SPATA31F3: variants seen among roughly 807,000 people sequenced by gnomAD.
SPATA31F3 encodes the protein SPATA31 subfamily F member 3, also known as protein SPATA31F3.
the SPATA31F3 span, chr9:34,889,624 C>A: frequency 7.5e-6 from 3 of 398,426 alleles, no homozygotes; most frequent in Non-Finnish European, 1.3e-5. Context: ...TCCAAGCCAA[C>A]TTCTGGAGCT....
At chr9:34,892,584 A>G in the SPATA31F3 span, 10 of 454,312 alleles carry the variant, frequency 2.2e-5, no homozygotes, top group Non-Finnish European at 3.9e-5. Flanking sequence ...ATGTAGGGTC[A>G]TAGGCTGTTG....
chr9:34,894,347 C>A, the SPATA31F3 span: 4 of 397,650 alleles, frequency 1.0e-5, no homozygotes, highest in African/African-American at 8.2e-5. Context: ...CCCTCCCATC[C>A]ATTTTCCCTC....
At chr9:34,892,980 A>G in the SPATA31F3 span, 3 of 724,718 alleles carry the variant, frequency 4.1e-6, no homozygotes, top group Non-Finnish European at 7.3e-6. Flanking sequence ...GATGTGGACA[A>G]AGCCTCTAGG....
At chr9:34,895,519 T>G in the SPATA31F3 span, 1 of 398,366 alleles carries the variant, frequency 2.5e-6, no homozygotes, top group Admixed American at 4.4e-5. Context: ...AAGAGAAAGC[T>G]CGGGGATAAA....
the SPATA31F3 span, among the ~76,000 whole-genome samples, chr9:34,890,657 A>G: frequency 6.6e-6 from 1 of 152,236 alleles, no homozygotes; most frequent in Non-Finnish European, 1.5e-5. Context: ...TGGTTTAGCA[A>G]TCTTTAGACT....
the SPATA31F3 span, chr9:34,895,643 A>T: frequency 5.0e-6 from 2 of 401,380 alleles, no homozygotes; most frequent in Non-Finnish European, 8.8e-6. Flanking sequence ...TTGCCAAATA[A>T]TTAATGCAAT....
chr9:34,892,707 G>A, the SPATA31F3 span: 3 of 473,650 alleles, frequency 6.3e-6, no homozygotes, highest in African/African-American at 3.9e-5. Flanking sequence ...CTCTCCTGCT[G>A]GCTCAGAGGA....
chr9:34,892,292 G>A, the SPATA31F3 span, among the ~76,000 whole-genome samples: 1 of 152,138 alleles, frequency 6.6e-6, no homozygotes. Context: ...GAAAGCTTAG[G>A]TGAACCAGCT....
At chr9:34,890,915 A>G in the SPATA31F3 span, among the ~76,000 whole-genome samples, 3 of 152,286 alleles carry the variant, frequency 2.0e-5, no homozygotes, top group East Asian at 3.9e-4. Context: ...CACAAGCTTC[A>G]TTGGTGTTTT....
At chr9:34,895,113 G>C in the SPATA31F3 span, 1 of 398,508 alleles carries the variant, frequency 2.5e-6, no homozygotes, top group Non-Finnish European at 4.4e-6. Flanking sequence ...AGAATGCAAA[G>C]CTGCTACACC....
At chr9:34,889,314 C>T in the SPATA31F3 span, 3 of 398,704 alleles carry the variant, frequency 7.5e-6, no homozygotes, top group Non-Finnish European at 1.3e-5. Context: ...AGGAGTGGCA[C>T]AGGACCCAGG....
chr9:34,892,592 T>C, the SPATA31F3 span: 4 of 444,544 alleles, frequency 9.0e-6, no homozygotes, highest in South Asian at 7.6e-5. Context: ...TCATAGGCTG[T>C]TGTTGTAGGT....
chr9:34,894,631 T>C, the SPATA31F3 span: 1 of 397,402 alleles, frequency 2.5e-6, no homozygotes, highest in Non-Finnish European at 4.4e-6. Context: ...GTCACATCTG[T>C]GTATAACTTA....
At chr9:34,894,136 G>A in the SPATA31F3 span, among the ~76,000 whole-genome samples, 1 of 152,120 alleles carries the variant, frequency 6.6e-6, no homozygotes, top group Non-Finnish European at 1.5e-5. Flanking sequence ...CCTCTTGACT[G>A]GATAGCTTGT....
chr9:34,890,721 T>C, the SPATA31F3 span, among the ~76,000 whole-genome samples: 4 of 152,248 alleles, frequency 2.6e-5, no homozygotes, highest in African/African-American at 9.6e-5. Flanking sequence ...ATTTGTTCCC[T>C]GGATTCCCTT....
chr9:34,890,738 A>G, the SPATA31F3 span, among the ~76,000 whole-genome samples: 2 of 152,276 alleles, frequency 1.3e-5, no homozygotes, highest in Non-Finnish European at 2.9e-5. Flanking sequence ...CCTTGTTTTT[A>G]TGGGACTTCC....
chr9:34,894,536 A>G, the SPATA31F3 span: 1 of 398,468 alleles, frequency 2.5e-6, no homozygotes, highest in African/African-American at 2.1e-5. Context: ...GTTATGTGGA[A>G]CTGGAGAGGA....
chr9:34,894,583 A>C, the SPATA31F3 span: 1 of 398,188 alleles, frequency 2.5e-6, no homozygotes. Context: ...AGGCCTTTTA[A>C]TGAGAAGATA....
the SPATA31F3 span, chr9:34,894,550 A>G: frequency 5.0e-6 from 2 of 398,542 alleles, no homozygotes; most frequent in Non-Finnish European, 8.9e-6. Flanking sequence ...GAGAGGATTC[A>G]GGGACATCCT....
Sources: allele counts gnomAD v4.1 joint callset (sites outside exome capture counted in the v4.1 genomes callset), GRCh38; gene constraint gnomAD v4.1.1; transcripts MANE v1.5; gene names NCBI Gene and HGNC (gene_info 2026-07-23, HGNC 2026-07-21).